Variants in CRACR2A observed in about 807,000 individuals in gnomAD.
The protein encoded by CRACR2A is calcium release activated channel regulator 2A, also known as EF-hand calcium-binding domain-containing protein 4B.
CRACR2A carries 79 observed loss-of-function variants against 90.5 expected under a neutral mutation model. The observed-to-expected ratio is 0.87, with a 90% CI of 0.73 to 1.05. The LOEUF (loss-of-function observed/expected upper bound fraction) is 1.05. CRACR2A is among the 50% of genes least tolerant of loss of function. CRACR2A has a pLI of 0.00. For synonymous variants in CRACR2A, 338 were observed against 356.7 expected, an observed-to-expected ratio of 0.95 and a Z score of 0.59; for missense variants, 823 against 897.2, an observed-to-expected ratio of 0.92 and a Z score of 1.06.
intron 7 of CRACR2A, among the ~76,000 whole-genome samples, chr12:3,672,356 G>A (rs540136367): frequency 2.6e-5 from 4 of 152,246 alleles, no homozygotes; most frequent in Non-Finnish European, 4.4e-5. Flanking sequence ...CTGCCTTCCA[G>A]GCTTTGCTGG....
intron 5 of CRACR2A, among the ~76,000 whole-genome samples, chr12:3,679,643 C>G (rs954767144): frequency 6.6e-6 from 1 of 152,240 alleles, no homozygotes; most frequent in Non-Finnish European, 1.5e-5. Flanking sequence ...CAGATACTTA[C>G]AAGAAAATTA....
chr12:3,693,131 C>T (rs1230889519), intron 4 of CRACR2A, among the ~76,000 whole-genome samples: 3 of 152,220 alleles, frequency 2.0e-5, no homozygotes, highest in Non-Finnish European at 4.4e-5. Context: ...CCTGCCTGCA[C>T]ACACATGCAC....
At chr12:3,641,615 C>T in intron 13 of CRACR2A, 117 bp downstream of exon 13, 1 of 789,182 alleles carries the variant, frequency 1.3e-6, no homozygotes, top group Non-Finnish European at 2.0e-6. Context: ...GGAGTGAGTG[C>T]AGCTGACCTC....
intron 15 of CRACR2A, among the ~76,000 whole-genome samples, chr12:3,631,746 A>G (rs1265312106): frequency 6.6e-6 from 1 of 152,232 alleles, no homozygotes; most frequent in African/African-American, 2.4e-5. Context: ...GCCCAGCAGT[A>G]AGGATGGGAC....
chr12:3,702,600 T>C (rs181538897), intron 3 of CRACR2A, among the ~76,000 whole-genome samples: 144 of 152,338 alleles, frequency 9.5e-4, no homozygotes, highest in Non-Finnish European at 1.6e-3. Context: ...CTAATACTTA[T>C]ACACTGAAAG....
In CRACR2A at chr12:3,627,696, G is replaced by C. The variant is rs1286238476; in HGVS notation, c.1746C>G (p.Tyr582Ter). 6.4e-7 allele frequency: 1 copy of C among 1,551,766 alleles called. No homozygotes were observed. Among genetic ancestry groups the C allele is most frequent in the Admixed American group, 2.0e-5 (1 of 51,004 alleles). The change falls in exon 16 of 20, where the codon TAC becomes TAG. Residue 582 changes from tyrosine (Y) to a stop codon, truncating the protein, a stop_gained. Coordinates refer to ENST00000440314, the MANE Select transcript of CRACR2A (RefSeq NM_001144958.2). LOFTEE classifies it high-confidence loss of function. Reference sequence around the variant, plus strand: ...TGTCCACATTCAACGTCTTCACACGGTAATCAATGCCTGCAGGGTGAAATG... The same window carrying C: ...TGTCCACATTCAACGTCTTCACACGCTAATCAATGCCTGCAGGGTGAAATG... ...PGMAATVGIDYRVKTLNVDNS... is the reference protein window; with the variant it reads ...PGMAATVGID
At chr12:3,720,632 C>T (rs1249148736) in intron 2 of CRACR2A, among the ~76,000 whole-genome samples, 1 of 152,198 alleles carries the variant, frequency 6.6e-6, no homozygotes, top group Non-Finnish European at 1.5e-5. Context: ...TGACCTGTGG[C>T]GTGCTGAGTG....
At chr12:3,747,220 T>A (rs1178268540) in intron 1 of CRACR2A, among the ~76,000 whole-genome samples, 4 of 152,158 alleles carry the variant, frequency 2.6e-5, no homozygotes, top group African/African-American at 9.7e-5. Flanking sequence ...CTCAGCCTCT[T>A]GAAACAGATG....
chr12:3,738,242 T>C (rs1454088701), intron 1 of CRACR2A, among the ~76,000 whole-genome samples: 1 of 152,150 alleles, frequency 6.6e-6, no homozygotes, highest in Non-Finnish European at 1.5e-5. Context: ...CTAAAAAGTC[T>C]TATATAAATT....
chr12:3,616,810 G>A (rs1166444697), intron 19 of CRACR2A, 144 bp downstream of exon 19: 13 of 626,356 alleles, frequency 2.1e-5, no homozygotes, highest in Admixed American at 5.9e-5. Context: ...CCAGGACCCC[G>A]TTGCCTATAC....
chr12:3,680,393 G>T, intron 4 of CRACR2A, 44 bp from the exon 5 acceptor site: 1 of 1,541,234 alleles, frequency 6.5e-7, no homozygotes, highest in South Asian at 1.1e-5. Flanking sequence ...GACACTCACT[G>T]GTGGGGGAGG....
chr12:3,667,681 CACCT>C (rs559567510), intron 7 of CRACR2A, among the ~76,000 whole-genome samples: 57 of 152,354 alleles, frequency 3.7e-4, no homozygotes, highest in African/African-American at 1.3e-3. Context: ...TGCCCTCTGC[CACCT>C]TCTTCAGGCA....
rs537576261 is a variant in CRACR2A at position 3,617,836 on chromosome 12, TGGCTGTAGCTCAGGA to T, written c.2035-821_2035-807del. Among the ~76,000 whole-genome samples, 1,199 of 152,346 alleles carry T rather than the reference TGGCTGTAGCTCAGGA, an allele frequency of 7.9e-3. 11 individuals carry two copies. Among genetic ancestry groups the T allele is most frequent in the East Asian group, 0.043 (221 of 5,190 alleles). On this transcript the variant is annotated intron_variant, in intron 18 of 19. Coordinates refer to ENST00000440314, the MANE Select transcript of CRACR2A (RefSeq NM_001144958.2). ...GGCCAGTTGAGTGAGGACAGTTCTG[TGGCTGTAGCTCAGGA>T]GGCTCTGCCATGCTCCCAGTGCAGC...
Position 3,716,517 on chromosome 12 carries a change from T to C in CRACR2A, c.-117-3200A>G, listed in dbSNP as rs576655788. On this transcript the variant is annotated intron_variant, in intron 2 of 19. Transcript: ENST00000440314. Reference sequence around the variant, plus strand: ...GTTGAGATGTCTATGGTGTTGGCCATCGTTAGTTCTGTTAAACACTGGTCC... The same window carrying C: ...GTTGAGATGTCTATGGTGTTGGCCACCGTTAGTTCTGTTAAACACTGGTCC... Among the ~76,000 whole-genome samples the C allele has an allele frequency of 3.3e-5, 5 of 152,372 alleles. No homozygotes were observed. The East Asian group carries it at 7.7e-4, about 24-fold the overall frequency.
intron 2 of CRACR2A, among the ~76,000 whole-genome samples, chr12:3,724,270 C>T (rs1217840917): frequency 6.6e-6 from 1 of 152,238 alleles, no homozygotes; most frequent in Non-Finnish European, 1.5e-5. Flanking sequence ...CGCACAAGAT[C>T]CAGAAATGAG....
intron 10 of CRACR2A, among the ~76,000 whole-genome samples, chr12:3,652,267 T>C (rs544805012): frequency 2.6e-4 from 40 of 152,312 alleles, no homozygotes; most frequent in African/African-American, 9.6e-4. Context: ...TAGAGCTTGA[T>C]TGAATTTCAA....
chr12:3,682,469 A>G (rs2137627774), intron 4 of CRACR2A, among the ~76,000 whole-genome samples: 1 of 152,138 alleles, frequency 6.6e-6, no homozygotes, highest in East Asian at 1.9e-4. Flanking sequence ...TCTACATCTC[A>G]AGTCAGTTTC....
chr12:3,689,691 A>C (rs1328879676), intron 4 of CRACR2A, among the ~76,000 whole-genome samples: 1 of 151,640 alleles, frequency 6.6e-6, no homozygotes, highest in Non-Finnish European at 1.5e-5. Flanking sequence ...TGATATCAGG[A>C]TGATGCTGGC....
intron 7 of CRACR2A, chr12:3,672,845 C>G (rs1050542585): frequency 2.0e-6 from 2 of 977,588 alleles, no homozygotes; most frequent in African/African-American, 3.5e-5. Flanking sequence ...GTCTTGGAGG[C>G]AAATAGGGTA....
Sources: gnomAD v4.1 joint callset for allele counts (sites outside exome capture counted in the v4.1 genomes callset) on GRCh38, gnomAD v4.1.1 for gene constraint, MANE v1.5 for transcripts, NCBI Gene and HGNC (gene_info 2026-07-23, HGNC 2026-07-21) for gene names.